TOMM20L: variants seen among roughly 807,000 people sequenced by gnomAD.
TOMM20L encodes the protein TOMM20-like protein 1.
In TOMM20L, 19 loss-of-function variants were observed where a neutral mutation model predicts 20.4. The ratio of observed to expected loss-of-function variants is 0.93; its 90% CI spans 0.65 to 1.36. The LOEUF (loss-of-function observed/expected upper bound fraction) is 1.36. TOMM20L is among the 40% of genes most tolerant of loss of function. TOMM20L has a pLI of 0.00. For synonymous variants in TOMM20L, 75 were observed against 79.6 expected, an observed-to-expected ratio of 0.94 and a Z score of 0.30; for missense variants, 218 against 203.7, an observed-to-expected ratio of 1.07 and a Z score of -0.43.
the TOMM20L span, among the ~76,000 whole-genome samples, chr14:58,416,837 G>A: frequency 6.6e-6 from 1 of 152,156 alleles, no homozygotes; most frequent in South Asian, 2.1e-4. Context: ...GCCAGGTGTC[G>A]TGGCTCATGC....
intron 3 of TOMM20L, among the ~76,000 whole-genome samples, chr14:58,403,730 T>C (rs1362493025): frequency 6.6e-6 from 1 of 151,610 alleles, no homozygotes; most frequent in Non-Finnish European, 1.5e-5. Flanking sequence ...CCCAGCTACT[T>C]GGGAGGCTGA....
the TOMM20L span, among the ~76,000 whole-genome samples, chr14:58,414,114 G>T: frequency 6.8e-6 from 1 of 146,526 alleles, no homozygotes; most frequent in Non-Finnish European, 1.5e-5. Flanking sequence ...GTACACTGTA[G>T]ACTAACATAA....
chr14:58,407,525 C>A, intron 4 of TOMM20L, 57 bp downstream of exon 4: 3 of 1,505,188 alleles, frequency 2.0e-6, no homozygotes, highest in South Asian at 2.6e-5. Flanking sequence ...CTATGTTATG[C>A]TTGACTACAC....
At chr14:58,413,037 C>T (rs754801351), downstream of TOMM20L, among the ~76,000 whole-genome samples, 2 of 152,096 alleles carry the variant, frequency 1.3e-5, no homozygotes, top group Admixed American at 6.6e-5. Context: ...TATACTCAGT[C>T]GAATACATCA....
chr14:58,411,349 G>A (rs181238796), downstream of TOMM20L, among the ~76,000 whole-genome samples: 1,223 of 152,020 alleles, frequency 8.0e-3, 8 homozygotes, highest in Non-Finnish European at 0.013. Flanking sequence ...TCAGGAGGCT[G>A]AGGCAGGAGA....
chr14:58,400,654 TG>T (rs1479069440), intron 2 of TOMM20L, among the ~76,000 whole-genome samples: 5 of 151,326 alleles, frequency 3.3e-5, no homozygotes, highest in African/African-American at 1.2e-4. Flanking sequence ...CCGAGGTGGG[TG>T]GATCACGAGG....
chr14:58,412,429 C>T (rs146372216), downstream of TOMM20L, among the ~76,000 whole-genome samples: 72 of 152,326 alleles, frequency 4.7e-4, no homozygotes, highest in East Asian at 0.01. Flanking sequence ...CGTTAGCCGC[C>T]GTGCCCGGCC....
downstream of TOMM20L, chr14:58,410,758 T>C (rs867126918): frequency 2.2e-6 from 2 of 907,484 alleles, no homozygotes; most frequent in African/African-American, 1.7e-5. Context: ...CTGTAATAAG[T>C]AGGAACAAGT....
At chr14:58,416,742 C>T in the TOMM20L span, among the ~76,000 whole-genome samples, 1 of 152,158 alleles carries the variant, frequency 6.6e-6, no homozygotes, top group African/African-American at 2.4e-5. Context: ...TGGTAATATG[C>T]TGACATCATT....
chr14:58,402,835 T>C (rs917030641), intron 3 of TOMM20L, 74 bp downstream of exon 3: 9 of 1,151,032 alleles, frequency 7.8e-6, no homozygotes, highest in Admixed American at 3.7e-5. Flanking sequence ...AGTATTTGTA[T>C]GTCAAATAAC....
chr14:58,402,380 C>A lies in TOMM20L; in HGVS notation c.181-300C>A, dbSNP rs548006698. On this transcript the variant is annotated intron_variant, in intron 2 of 4. Coordinates refer to ENST00000360945, the MANE Select transcript of TOMM20L (RefSeq NM_207377.3). The stretch of plus-strand genomic sequence containing the variant: ...CTTGGCCCATTGCAACCTCTGCCTC[C>A]CAGGTTCAAGCAATTCTCCTGCCTC... Among the ~76,000 whole-genome samples the A allele has an allele frequency of 3.9e-5, 6 of 152,096 alleles. 1 individual carries two copies. In the South Asian group the frequency reaches 1.2e-3, roughly 32 times the overall value.
chr14:58,402,635 C>A, intron 2 of TOMM20L, 45 bp from the exon 3 acceptor site: 2 of 1,459,690 alleles, frequency 1.4e-6, no homozygotes, highest in African/African-American at 1.4e-5. Context: ...TAGCCATATA[C>A]CTTACCTTCA....
rs561746015 is a variant in TOMM20L at position 58,396,506 on chromosome 14, A to T, written c.180+165A>T. Among the ~76,000 whole-genome samples, 11 of 152,274 alleles carry T rather than the reference A, an allele frequency of 7.2e-5. 1 individual carries two copies. In the South Asian group the frequency reaches 2.3e-3, roughly 32 times the overall value. On this transcript the variant is annotated intron_variant, in intron 2 of 4. Coordinates refer to ENST00000360945, the MANE Select transcript of TOMM20L (RefSeq NM_207377.3). ...GCCACGCACCGCCTCAGGCCCAGTC[A>T]CTCTCCTCTCACAAAAGGGAGGGAA...
At chr14:58,397,433 T>C (rs1004321684) in intron 2 of TOMM20L, among the ~76,000 whole-genome samples, 1 of 152,204 alleles carries the variant, frequency 6.6e-6, no homozygotes, top group Non-Finnish European at 1.5e-5. Context: ...TCAACAGGGA[T>C]GGCAAGGTTT....
chr14:58,399,290 G>C (rs1371504226), intron 2 of TOMM20L, among the ~76,000 whole-genome samples: 3 of 152,068 alleles, frequency 2.0e-5, no homozygotes, highest in Non-Finnish European at 4.4e-5. Flanking sequence ...CCCAAAGTAT[G>C]GTCCATTGCT....
At chr14:58,408,954 G>A (rs1428382444), downstream of TOMM20L, 2 of 1,539,042 alleles carry the variant, frequency 1.3e-6, no homozygotes, top group African/African-American at 1.4e-5. Flanking sequence ...GCTTTCAGGG[G>A]ATTCTATCAG....
At chr14:58,414,546 T>C in the TOMM20L span, among the ~76,000 whole-genome samples, 1 of 151,928 alleles carries the variant, frequency 6.6e-6, no homozygotes, top group Non-Finnish European at 1.5e-5. Flanking sequence ...GAGACAAGCC[T>C]GGACAGCATA....
At chr14:58,396,366 G>A in intron 2 of TOMM20L, 25 bp downstream of exon 2, 1 of 1,612,704 alleles carries the variant, frequency 6.2e-7, no homozygotes. Context: ...ATCCGCACAG[G>A]TAGCTCAGTA....
At position 58,396,006 on chromosome 14, in the gene TOMM20L, T is replaced by C; in HGVS notation, c.49T>C (p.Cys17Arg). ...LLRLLAAAAA[C>R]GAFAFLGYCI... ...CCGCCTCTTGGCCGCCGCGGCGGCCTGTGGCGCCTTCGCCTTCCTGGGCTA... is the reference window on the plus strand; with the variant it reads ...CCGCCTCTTGGCCGCCGCGGCGGCCCGTGGCGCCTTCGCCTTCCTGGGCTA... Residue 17 changes from cysteine to arginine, a missense_variant, in exon 1 of 5, where the codon TGT (cysteine) becomes CGT (arginine). By Grantham distance (180) the Cys-to-Arg change is radical. Transcript: ENST00000360945. The C allele has an allele frequency of 6.9e-7, 1 of 1,452,362 alleles. No individual in the cohort carries two copies. Among genetic ancestry groups the C allele is most frequent in the South Asian group, 1.5e-5 (1 of 66,708 alleles). The allele number at this position is 1,452,362 out of a possible 1,614,324, so 90.0% of individuals were successfully genotyped here.
Sources: gnomAD v4.1 joint callset for allele counts (sites outside exome capture counted in the v4.1 genomes callset) on GRCh38, gnomAD v4.1.1 for gene constraint, MANE v1.5 for transcripts, NCBI Gene and HGNC (gene_info 2026-07-23, HGNC 2026-07-21) for gene names.